SDK1: variants seen among roughly 807,000 people sequenced by gnomAD.
SDK1 encodes protein sidekick-1.
Under a neutral mutation model 245.5 loss-of-function variants are expected in SDK1, and 157 were observed. That is an observed-to-expected ratio of 0.64 (90% confidence interval 0.56 to 0.73). The LOEUF (loss-of-function observed/expected upper bound fraction) is 0.73, where lower values mean the gene tolerates loss of function less well. Ranked by LOEUF, SDK1 falls within the 30% of genes least tolerant of loss-of-function variation. The pLI, the probability that SDK1 is intolerant of heterozygous loss-of-function variation, is 0.00. For synonymous variants in SDK1, 1,647 were observed against 1,278.5 expected, an observed-to-expected ratio of 1.29 and a Z score of -6.15; for missense variants, 3,583 against 3,002.3, an observed-to-expected ratio of 1.19 and a Z score of -4.52.
chr7:3,412,488 T>G (rs74633154), intron 1 of SDK1, among the ~76,000 whole-genome samples: 1 of 152,246 alleles, frequency 6.6e-6, no homozygotes, highest in African/African-American at 2.4e-5. Flanking sequence ...AAAATGTTCC[T>G]TTATGTGTTT....
intron 2 of SDK1, among the ~76,000 whole-genome samples, chr7:3,624,848 C>G (rs1286906876): frequency 1.3e-5 from 2 of 151,884 alleles, no homozygotes; most frequent in Non-Finnish European, 1.5e-5. Context: ...GAGTTTGAGA[C>G]CAGCCTGACC....
At chr7:4,260,928 C>T (rs997628577) in intron 44 of SDK1, among the ~76,000 whole-genome samples, 13 of 152,226 alleles carry the variant, frequency 8.5e-5, no homozygotes, top group Non-Finnish European at 7.3e-5. Context: ...CTTACGTCTG[C>T]AATTCTCCTA....
intron 5 of SDK1, among the ~76,000 whole-genome samples, chr7:3,847,889 A>G (rs1780319813): frequency 6.6e-6 from 1 of 152,242 alleles, no homozygotes; most frequent in African/African-American, 2.4e-5. Context: ...TGGTGCTGAT[A>G]CACTATTGCA....
intron 35 of SDK1, among the ~76,000 whole-genome samples, chr7:4,193,372 T>TTTTATATATATATATATATATA (rs1206363548): frequency 9.7e-6 from 1 of 103,086 alleles, no homozygotes; most frequent in African/African-American, 3.9e-5. Context: ...ATTAAAATAT[T>TTTTATATATATATATATATATA]TATATATATA....
At chr7:3,947,926 G>A (rs1264740278) in intron 5 of SDK1, among the ~76,000 whole-genome samples, 1 of 152,054 alleles carries the variant, frequency 6.6e-6, no homozygotes, top group African/African-American at 2.4e-5. Flanking sequence ...ATTGCCTTAG[G>A]GAGAGGGGGT....
intron 44 of SDK1, among the ~76,000 whole-genome samples, chr7:4,248,678 A>C (rs1377360700): frequency 6.6e-6 from 1 of 151,930 alleles, no homozygotes; most frequent in Non-Finnish European, 1.5e-5. Context: ...ACACACCTGA[A>C]TACATGCACA....
At chr7:3,887,011 A>T (rs953697267) in intron 5 of SDK1, among the ~76,000 whole-genome samples, 4 of 152,026 alleles carry the variant, frequency 2.6e-5, no homozygotes, top group African/African-American at 9.7e-5. Flanking sequence ...CTACGTTAAT[A>T]TTTTTTTTGA....
intron 4 of SDK1, among the ~76,000 whole-genome samples, chr7:3,773,384 G>C (rs1418542038): frequency 6.6e-6 from 1 of 151,172 alleles, no homozygotes; most frequent in African/African-American, 2.4e-5. Flanking sequence ...TTTCTTTTTG[G>C]TTTCTTTTTT....
chr7:3,915,967 C>G (rs1367229672), intron 5 of SDK1, among the ~76,000 whole-genome samples: 1 of 152,176 alleles, frequency 6.6e-6, no homozygotes, highest in Non-Finnish European at 1.5e-5. Flanking sequence ...CCTTTTACTT[C>G]CCTAAACCAA....
At chr7:3,560,466 C>T (rs1779712938) in intron 1 of SDK1, among the ~76,000 whole-genome samples, 1 of 151,910 alleles carries the variant, frequency 6.6e-6, no homozygotes, top group South Asian at 2.1e-4. Flanking sequence ...TGGATAGTAT[C>T]ATTGGGTTTG....
chr7:3,892,205 G>A (rs905038472), intron 5 of SDK1, among the ~76,000 whole-genome samples: 1 of 152,144 alleles, frequency 6.6e-6, no homozygotes, highest in African/African-American at 2.4e-5. Context: ...ACCAATTTCT[G>A]TATTAGCTTT....
At chr7:3,729,900 T>G (rs945014607) in intron 4 of SDK1, among the ~76,000 whole-genome samples, 1 of 152,106 alleles carries the variant, frequency 6.6e-6, no homozygotes, top group Non-Finnish European at 1.5e-5. Context: ...GATGCTAACA[T>G]ACATGCTATC....
intron 4 of SDK1, among the ~76,000 whole-genome samples, chr7:3,722,105 C>T (rs1274270752): frequency 6.6e-6 from 1 of 152,014 alleles, no homozygotes; most frequent in African/African-American, 2.4e-5. Context: ...GTCTTGAACT[C>T]CTGAGCTCTA....
intron 1 of SDK1, among the ~76,000 whole-genome samples, chr7:3,564,365 G>T (rs1779840726): frequency 6.6e-6 from 1 of 152,048 alleles, no homozygotes; most frequent in Admixed American, 6.6e-5. Context: ...GCTGGCACCT[G>T]TAGTCCCAGC....
At chr7:3,628,650 C>A (rs984867785) in intron 2 of SDK1, among the ~76,000 whole-genome samples, 2 of 152,202 alleles carry the variant, frequency 1.3e-5, no homozygotes, top group African/African-American at 2.4e-5. Context: ...ATGGCTGAGT[C>A]CTGTCTTCCT....
chr7:3,332,957 G>A (rs1447441156), intron 1 of SDK1, among the ~76,000 whole-genome samples: 2 of 152,194 alleles, frequency 1.3e-5, no homozygotes, highest in African/African-American at 4.8e-5. Flanking sequence ...AGTTGAGCCT[G>A]GGGAACGAGC....
intron 4 of SDK1, among the ~76,000 whole-genome samples, chr7:3,762,884 C>G (rs1780146719): frequency 6.6e-6 from 1 of 152,136 alleles, no homozygotes; most frequent in African/African-American, 2.4e-5. Flanking sequence ...TTGAGGTTGC[C>G]TACAGGTTTT....
rs1405782054 is a variant in SDK1, at chr7:3,746,752, G to A, written c.714-74698G>A. On this transcript the variant is annotated intron_variant, in intron 4 of 44. Coordinates refer to ENST00000404826, the MANE Select transcript of SDK1 (RefSeq NM_152744.4). ...CACTGCTAATTCTAGTTCTCTTGCCGTTTCTACCACATCTGCACTTACTTC... is the reference window on the plus strand; with the variant it reads ...CACTGCTAATTCTAGTTCTCTTGCCATTTCTACCACATCTGCACTTACTTC... Among the ~76,000 whole-genome samples, 9 of 152,242 alleles carry A rather than the reference G, an allele frequency of 5.9e-5. No homozygotes were observed. In the East Asian group the frequency reaches 1.5e-3, roughly 26 times the overall value.
At chr7:3,811,292 A>C (rs1326677286) in intron 4 of SDK1, among the ~76,000 whole-genome samples, 1 of 152,140 alleles carries the variant, frequency 6.6e-6, no homozygotes. Context: ...TGCCCCACCC[A>C]GGTCACAGTT....
Sources: gnomAD v4.1 joint callset for allele counts (sites outside exome capture counted in the v4.1 genomes callset) on GRCh38, gnomAD v4.1.1 for gene constraint, MANE v1.5 for transcripts, NCBI Gene and HGNC (gene_info 2026-07-23, HGNC 2026-07-21) for gene names.